Variants in P2RX4 observed in about 807,000 individuals in gnomAD.
P2RX4 encodes purinergic receptor P2X 4.
In P2RX4, 37 loss-of-function variants were observed where a neutral mutation model predicts 48.0. The observed-to-expected ratio is 0.77, with a 90% confidence interval of 0.59 to 1.01. P2RX4 has a LOEUF of 1.01. Ranked by LOEUF, P2RX4 falls within the 50% of genes least tolerant of loss-of-function variation. The pLI is 0.00. For missense variants in P2RX4, 501 were observed against 521.4 expected (o/e 0.96, Z 0.38); for synonymous variants, 200 against 199.7 (o/e 1.00, Z -0.01).
chr12:121,228,106 T>C (rs1848490928), intron 5 of P2RX4, among the ~76,000 whole-genome samples: 2 of 151,606 alleles, frequency 1.3e-5, no homozygotes, highest in Admixed American at 6.6e-5. Context: ...AAAATATATA[T>C]AGGCTGGGCG....
Position 121,230,982 on chromosome 12 carries a change from A to ATTT in P2RX4, c.885-1421_885-1419dup, listed in dbSNP as rs1306580537. Among the ~76,000 whole-genome samples, 378 of 113,248 alleles carry ATTT rather than the reference A, an allele frequency of 3.3e-3. 2 individuals carry two copies. Among genetic ancestry groups the ATTT allele is most frequent in the African/African-American group, 0.012 (339 of 28,718 alleles). 74.3% of individuals were successfully genotyped at this position (113,248 alleles called of 152,430 possible). A position where few individuals can be genotyped will look rare whatever the true frequency, so the allele number is the denominator to read the frequency against. On this transcript the variant is annotated intron_variant, in intron 8 of 11. Transcript: ENST00000337233. ...ATATATATAGCCATTATATATATAT[A>ATTT]TTTTTTTTTTTTTCTTCTTTTTTAA... is the stretch of plus-strand genomic sequence containing the variant.
chr12:121,231,932 G>A (rs569300183), intron 8 of P2RX4, among the ~76,000 whole-genome samples: 2 of 150,322 alleles, frequency 1.3e-5, no homozygotes, highest in East Asian at 3.9e-4. Context: ...TTGAACTGGG[G>A]AGGTGGAGGT....
In P2RX4 at chr12:121,215,519, C is replaced by A. The variant is rs1268072379; in HGVS notation, c.135-1615C>A. On this transcript the variant is annotated intron_variant, in intron 1 of 11. Coordinates refer to ENST00000337233, the MANE Select transcript of P2RX4 (RefSeq NM_002560.3). The stretch of plus-strand genomic sequence containing the variant: ...TGGAGTGCGGTGGCATCACAGCTCA[C>A]TGCAGCCTCCGTCTCCCAGGCTCAA... 3.3e-5 allele frequency: 5 copies of A among 151,130 alleles called. No homozygotes were observed. In the Admixed American group the frequency reaches 3.3e-4, roughly 10 times the overall value. 9.4% of individuals were successfully genotyped at this position (151,130 alleles called of 1,614,324 possible). A position where few individuals can be genotyped will look rare whatever the true frequency, so the allele number is the denominator to read the frequency against.
intron 2 of P2RX4, among the ~76,000 whole-genome samples, chr12:121,217,490 A>G (rs544185473): frequency 6.6e-6 from 1 of 152,332 alleles, no homozygotes; most frequent in Admixed American, 6.5e-5. Flanking sequence ...CTCAGCTTGA[A>G]AGCATGGCAG....
At chr12:121,224,557 G>A (rs1455635277) in intron 5 of P2RX4, among the ~76,000 whole-genome samples, 5 of 151,932 alleles carry the variant, frequency 3.3e-5, no homozygotes, top group Admixed American at 2.6e-4. Flanking sequence ...AGCTGAGATC[G>A]CTCTTCTGCA....
chr12:121,223,138 A>G (rs1886754314), intron 5 of P2RX4, 95 bp downstream of exon 5: 2 of 774,790 alleles, frequency 2.6e-6, no homozygotes, highest in Non-Finnish European at 4.5e-6. Flanking sequence ...CAGTGGTGCG[A>G]TCTTGGCTCA....
intron 4 of P2RX4, chr12:121,222,403 T>G (rs1484218264): frequency 3.6e-6 from 2 of 550,538 alleles, no homozygotes; most frequent in African/African-American, 2.0e-5. Context: ...TTCTTGTTTT[T>G]TTTTTTGTTT....
At position 121,222,100 on chromosome 12, in the gene P2RX4, G is replaced by T. The variant is rs1251003650; in HGVS notation, c.361G>T (p.Asp121Tyr). Reference sequence around the variant, plus strand: ...TCGCTCCTTCTTTTTCCAGATTCCAGATGCGACCACTGTGTGTAAATCAGA... The same window carrying T: ...TCGCTCCTTCTTTTTCCAGATTCCATATGCGACCACTGTGTGTAAATCAGA... ...QTQGLCPEIP[D>Y]ATTVCKSDAS... is the part of the protein sequence containing the mutation. Residue 121 changes from aspartate to tyrosine, a missense_variant, in exon 4 of 12, where the codon GAT becomes TAT. Asp to Tyr is a radical substitution (Grantham distance 160, BLOSUM62 -3). This residue lies in a region of P2RX4 where 295 missense variants were observed against 275.3 expected (regional missense o/e 1.07). Coordinates refer to ENST00000337233, the MANE Select transcript of P2RX4 (RefSeq NM_002560.3). 2.5e-6 allele frequency: 4 copies of T among 1,613,170 alleles called. No individual in the cohort carries two copies. The highest frequency in any genetic ancestry group is 3.4e-6 in the Non-Finnish European group (4 of 1,179,266).
intron 1 of P2RX4, 40 bp downstream of exon 1, chr12:121,210,338 C>T (rs2136206702): frequency 6.8e-7 from 1 of 1,465,312 alleles, no homozygotes; most frequent in Non-Finnish European, 9.0e-7. Context: ...CGGGTGCTGC[C>T]CTCGCGTCCG....
In P2RX4 at chr12:121,210,296, C is replaced by T; in HGVS notation, c.132C>T (p.Ile44=). The change falls in exon 1 of 12, where the codon ATC becomes ATT. Residue 44 remains isoleucine (I), a splice_region_variant and synonymous_variant. Coordinates refer to ENST00000337233, the MANE Select transcript of P2RX4 (RefSeq NM_002560.3). ...AVQLLILAYV[I]GWVFVWEKGY... is the part of the protein sequence containing the mutation. ...AACTGCTCATCCTGGCCTACGTCAT[C>T]GGGTGAGCGTGGGGCCGCGCGGGGG... The T allele has an allele frequency of 1.3e-6, 2 of 1,540,242 alleles. No individual in the cohort carries two copies. Among genetic ancestry groups the T allele is most frequent in the South Asian group, 2.4e-5 (2 of 83,212 alleles).
rs1391035610 is a variant in P2RX4 at position 121,212,811 on chromosome 12, TATATATATATA to T, written c.134+2514_134+2524del. ...TCTCAAATATATATATATATATATATATATATATATATATTTTTTTTTTTTTTTTGGAGACT... is the reference window on the plus strand; with the variant it reads ...TCTCAAATATATATATATATATATATTATTTTTTTTTTTTTTTTGGAGACT... On this transcript the variant is annotated intron_variant, in intron 1 of 11. Coordinates refer to ENST00000337233, the MANE Select transcript of P2RX4 (RefSeq NM_002560.3). 22 of 35,288 alleles carry T rather than the reference TATATATATATA, an allele frequency of 6.2e-4. 1 individual carries two copies. The highest frequency in any genetic ancestry group is 2.5e-3 in the African/African-American group (22 of 8,890). 2.2% of individuals were successfully genotyped at this position (35,288 alleles called of 1,614,324 possible).
chr12:121,210,325 C>T, intron 1 of P2RX4, 27 bp downstream of exon 1: 1 of 1,490,810 alleles, frequency 6.7e-7, no homozygotes, highest in Non-Finnish European at 8.9e-7. Flanking sequence ...GCGGGGGGCG[C>T]GGCGGGTGCT....
At chr12:121,221,506 G>GC (rs1285849147) in intron 2 of P2RX4, among the ~76,000 whole-genome samples, 2 of 150,218 alleles carry the variant, frequency 1.3e-5, no homozygotes, top group Non-Finnish European at 3.0e-5. Flanking sequence ...CAATTCTCCT[G>GC]CCTCAGCCTC....
At chr12:121,212,824 A>ATATATATATTTT (rs370835501) in intron 1 of P2RX4, 2 of 32,252 alleles carry the variant, frequency 6.2e-5, no homozygotes, top group African/African-American at 1.7e-4. Flanking sequence ...ATATATATAT[A>ATATATATATTTT]TTTTTTTTTT....
At chr12:121,221,629 G>A (rs558849164) in intron 2 of P2RX4, among the ~76,000 whole-genome samples, 16 of 151,902 alleles carry the variant, frequency 1.1e-4, no homozygotes, top group Middle Eastern at 6.8e-3. Context: ...TCCTGACCTC[G>A]TGATCCGCCC....
rs1161658366 is a variant in P2RX4 at position 121,216,619 on chromosome 12, G to A, written c.135-515G>A. Reference sequence around the variant, plus strand: ...GTGGATCACCTGAGGTCAGGAGTTCGAGACCAGCCTGGCCAACATGGTGAA... The same window carrying A: ...GTGGATCACCTGAGGTCAGGAGTTCAAGACCAGCCTGGCCAACATGGTGAA... On this transcript the variant is annotated intron_variant, in intron 1 of 11. Transcript: ENST00000337233. 5 of 277,880 alleles carry A rather than the reference G, an allele frequency of 1.8e-5. No individual in the cohort carries two copies. In the East Asian group the frequency reaches 2.8e-4, roughly 16 times the overall value. The allele number at this position is 277,880 out of a possible 1,614,324, so 17.2% of individuals were successfully genotyped here.
chr12:121,225,611 C>T (rs958724959), intron 5 of P2RX4, among the ~76,000 whole-genome samples: 1 of 152,036 alleles, frequency 6.6e-6, no homozygotes, highest in African/African-American at 2.4e-5. Flanking sequence ...GGGGGTTTCA[C>T]TGTGTTAGCC....
At chr12:121,217,081 T>A in intron 1 of P2RX4, 53 bp from the exon 2 acceptor site, 1 of 1,584,306 alleles carries the variant, frequency 6.3e-7, no homozygotes, top group Non-Finnish European at 8.7e-7. Context: ...TCCCCATCAA[T>A]TCAAATCCAT....
At position 121,222,231 on chromosome 12, in the gene P2RX4, T is replaced by G. The variant is rs887395200; in HGVS notation, c.427+65T>G. 4.5e-6 allele frequency: 5 copies of G among 1,111,378 alleles called. No individual in the cohort carries two copies. In the African/African-American group the frequency reaches 7.7e-5, roughly 17 times the overall value. The allele number at this position is 1,111,378 out of a possible 1,614,324, so 68.8% of individuals were successfully genotyped here. A position where few individuals can be genotyped will look rare whatever the true frequency, so the allele number is the denominator to read the frequency against. ...CAGATCGCCCCCACTGTGGAGCGTC[T>G]CTGATAGAGAAATCTTCCCAATTCC... On this transcript the variant is annotated intron_variant, in intron 4 of 11. Transcript: ENST00000337233.
Sources: gnomAD v4.1 joint callset for allele counts (sites outside exome capture counted in the v4.1 genomes callset) on GRCh38, gnomAD v4.1.1 for gene constraint, gnomAD v4.1.1 regional missense constraint, MANE v1.5 for transcripts, NCBI Gene and HGNC (gene_info 2026-07-23, HGNC 2026-07-21) for gene names.